Variants in SLC35F4 observed in about 807,000 individuals in gnomAD.
SLC35F4 encodes solute carrier family 35 member F4.
SLC35F4 carries 24 observed loss-of-function variants against 44.2 expected under a neutral mutation model. That is an observed-to-expected ratio of 0.54 (90% CI 0.39 to 0.76). The LOEUF (loss-of-function observed/expected upper bound fraction) is 0.76, where lower values mean the gene tolerates loss of function less well. Among genes scored for constraint, SLC35F4 ranks in the 30% least tolerant of loss-of-function variants. The pLI, the probability that SLC35F4 is intolerant of heterozygous loss-of-function variation, is 0.00. For missense variants in SLC35F4, 562 were observed against 586.1 expected (o/e 0.96, Z 0.42); for synonymous variants, 238 against 223.6 (o/e 1.06, Z -0.57).
At chr14:57,805,616 T>C (rs975614674) in intron 1 of SLC35F4, among the ~76,000 whole-genome samples, 6 of 152,020 alleles carry the variant, frequency 3.9e-5, no homozygotes, top group Non-Finnish European at 8.8e-5. Context: ...CACTAGGGCC[T>C]GTTGGAGTGG....
At chr14:57,879,109 C>T (rs1888464716) in intron 1 of SLC35F4, among the ~76,000 whole-genome samples, 1 of 152,054 alleles carries the variant, frequency 6.6e-6, no homozygotes, top group Non-Finnish European at 1.5e-5. Context: ...ATATTTTATG[C>T]CCTTAGAACA....
At chr14:57,584,203 T>C (rs961732126) in intron 3 of SLC35F4, among the ~76,000 whole-genome samples, 1 of 152,178 alleles carries the variant, frequency 6.6e-6, no homozygotes, top group African/African-American at 2.4e-5. Context: ...CTTGAGGCAA[T>C]TGAATTCTCT....
chr14:57,941,413 C>T (rs976157951), intron 1 of SLC35F4, among the ~76,000 whole-genome samples: 52 of 152,166 alleles, frequency 3.4e-4, no homozygotes, highest in African/African-American at 1.3e-3. Flanking sequence ...AAAACATTGT[C>T]CTAAGTCAAA....
At position 57,834,711 on chromosome 14, in the gene SLC35F4, A is replaced by C. The variant is rs142355931; in HGVS notation, c.103+31012T>G. Among the ~76,000 whole-genome samples the C allele has an allele frequency of 2.0e-5, 3 of 152,344 alleles. No individual in the cohort carries two copies. In the East Asian group the frequency reaches 5.8e-4, roughly 29 times the overall value. ...CCTTCCTATCCAGCATGTCAGTATA[A>C]AAATTGCTTCTCAGAGAACCAAAAT... is the stretch of plus-strand genomic sequence containing the variant. On this transcript the variant is annotated intron_variant, in intron 1 of 7. Coordinates refer to ENST00000556826, the MANE Select transcript of SLC35F4 (RefSeq NM_001306087.2).
intron 1 of SLC35F4, among the ~76,000 whole-genome samples, chr14:57,965,674 G>C (rs1402710193): frequency 6.6e-6 from 1 of 152,130 alleles, no homozygotes. Context: ...ATTTTGAAAA[G>C]AAGGAATCAA....
At chr14:57,823,134 C>G (rs142127814) in intron 1 of SLC35F4, among the ~76,000 whole-genome samples, 72 of 152,210 alleles carry the variant, frequency 4.7e-4, no homozygotes, top group African/African-American at 1.7e-3. Context: ...CTCCACACTC[C>G]TCACCACAGC....
At chr14:57,680,309 G>C (rs1333326070) in intron 1 of SLC35F4, among the ~76,000 whole-genome samples, 3 of 152,064 alleles carry the variant, frequency 2.0e-5, no homozygotes, top group African/African-American at 7.3e-5. Context: ...AAAGGCTTTT[G>C]ACAAAATTCA....
intron 1 of SLC35F4, among the ~76,000 whole-genome samples, chr14:57,762,174 G>C (rs2140631142): frequency 6.6e-6 from 1 of 152,258 alleles, no homozygotes; most frequent in Non-Finnish European, 1.5e-5. Context: ...CCTGCTGCTA[G>C]GATTGAGAGA....
At chr14:57,907,710 A>G (rs1387085231) in intron 1 of SLC35F4, among the ~76,000 whole-genome samples, 1 of 149,478 alleles carries the variant, frequency 6.7e-6, no homozygotes, top group Non-Finnish European at 1.5e-5. Flanking sequence ...TTCAACACAT[A>G]TTTGCAGAAC....
At chr14:57,599,802 G>GAA (rs34667001) in intron 1 of SLC35F4, among the ~76,000 whole-genome samples, 2,025 of 126,254 alleles carry the variant, frequency 0.016, 55 homozygotes, top group African/African-American at 0.048. Flanking sequence ...ACTCTGTCTT[G>GAA]AAAAAAAAAA....
At chr14:57,663,157 T>C (rs930537240) in intron 1 of SLC35F4, among the ~76,000 whole-genome samples, 4 of 152,172 alleles carry the variant, frequency 2.6e-5, no homozygotes, top group African/African-American at 9.7e-5. Flanking sequence ...CCCCTTTGAG[T>C]GTGTCATGTA....
rs941819979 is a variant in SLC35F4 at position 57,950,655 on chromosome 14, T to C, written n.282+31258A>G. On this transcript the variant is annotated intron_variant and non_coding_transcript_variant, in intron 1 of 1. Transcript: ENST00000556568. ...AGCCCATTGTCATTTGCATAGACTC[T>C]TTGTTTCTTTTCTTTCTTTCTTTTT... 4.3e-5 allele frequency among the ~76,000 whole-genome samples: 6 copies of C among 139,246 alleles called. No homozygotes were observed. The East Asian group carries it at 8.9e-4, about 21-fold the overall frequency. 91.4% of individuals were successfully genotyped at this position (139,246 alleles called of 152,430 possible).
At position 57,576,704 on chromosome 14, in the gene SLC35F4, T is replaced by C. The variant is rs138928157; in HGVS notation, c.807+4510A>G. Among the ~76,000 whole-genome samples, 128 of 152,140 alleles carry C rather than the reference T, an allele frequency of 8.4e-4. 1 individual carries two copies. The highest frequency in any genetic ancestry group is 6.8e-3 in the East Asian group (35 of 5,170). On this transcript the variant is annotated intron_variant, in intron 4 of 7. Transcript: ENST00000556826. ...TGTGACAGGGGGAAGGGGGGTACCT[T>C]GGATAGCAGCAAACCCAAGGGATGC...
At chr14:57,883,826 T>C (rs973220312) in intron 1 of SLC35F4, among the ~76,000 whole-genome samples, 1 of 152,214 alleles carries the variant, frequency 6.6e-6, no homozygotes, top group African/African-American at 2.4e-5. Context: ...AGTGCTAATA[T>C]AGTTTCACTT....
At chr14:57,643,991 C>A (rs984522953) in intron 1 of SLC35F4, among the ~76,000 whole-genome samples, 1 of 152,144 alleles carries the variant, frequency 6.6e-6, no homozygotes, top group Non-Finnish European at 1.5e-5. Flanking sequence ...TGTGTATGTG[C>A]CACATTTTCT....
At position 57,834,795 on chromosome 14, in the gene SLC35F4, G is replaced by A. The variant is rs1956693; in HGVS notation, c.103+30928C>T. 5.9e-3 allele frequency among the ~76,000 whole-genome samples: 892 copies of A among 152,290 alleles called. 3 individuals carry two copies. The highest frequency in any genetic ancestry group is 0.012 in the South Asian group (56 of 4,822). ...AACACTTTAGGAGGCCGAGGTAGGC[G>A]GATCACCTGAGGTCAGGAGTTCGAG... is the stretch of plus-strand genomic sequence containing the variant. On this transcript the variant is annotated intron_variant, in intron 1 of 7. Coordinates refer to ENST00000556826, the MANE Select transcript of SLC35F4 (RefSeq NM_001306087.2).
intron 1 of SLC35F4, among the ~76,000 whole-genome samples, chr14:57,828,217 G>A (rs1883994598): frequency 6.6e-6 from 1 of 152,090 alleles, no homozygotes; most frequent in Non-Finnish European, 1.5e-5. Flanking sequence ...CCACACCCAT[G>A]CCCCAGATCC....
In SLC35F4 at chr14:57,694,057, T is replaced by C. The variant is rs1389848896; in HGVS notation, c.104-99933A>G. On this transcript the variant is annotated intron_variant, in intron 1 of 7. Coordinates refer to ENST00000556826, the MANE Select transcript of SLC35F4 (RefSeq NM_001306087.2). ...CATGGATTTAGAAAAGTAAACGAAC[T>C]GAAGACACAGAATTCAATCATTTGT... 3.3e-5 allele frequency among the ~76,000 whole-genome samples: 5 copies of C among 152,162 alleles called. No individual in the cohort carries two copies. The East Asian group carries it at 9.6e-4, about 29-fold the overall frequency.
At chr14:57,978,590 A>G (rs2141099583) in intron 1 of SLC35F4, among the ~76,000 whole-genome samples, 1 of 152,354 alleles carries the variant, frequency 6.6e-6, no homozygotes, top group Non-Finnish European at 1.5e-5. Flanking sequence ...GCTCAGGCAC[A>G]CTAACCTGTA....
Sources: allele counts gnomAD v4.1 joint callset (sites outside exome capture counted in the v4.1 genomes callset), GRCh38; gene constraint gnomAD v4.1.1; transcripts MANE v1.5; gene names NCBI Gene and HGNC (gene_info 2026-07-23, HGNC 2026-07-21).